Variants in NOVA1 observed in about 807,000 individuals in gnomAD.
NOVA1 encodes the protein RNA-binding protein Nova-1.
NOVA1 carries 7 observed loss-of-function variants against 38.0 expected under a neutral mutation model. The observed-to-expected ratio is 0.18, with a 90% confidence interval of 0.10 to 0.35. The LOEUF is 0.35. Among genes scored for constraint, NOVA1 ranks in the 10% least tolerant of loss-of-function variants. The pLI is 1.00. For synonymous variants in NOVA1, 270 were observed against 232.5 expected, an observed-to-expected ratio of 1.16 and a Z score of -1.47; for missense variants, 460 against 616.0, an observed-to-expected ratio of 0.75 and a Z score of 2.68.
chr14:26,586,159 A>C (rs1204582765), intron 2 of NOVA1, among the ~76,000 whole-genome samples: 1 of 151,404 alleles, frequency 6.6e-6, no homozygotes, highest in East Asian at 1.9e-4. Flanking sequence ...AAAGACTATC[A>C]CAAAAGAGTT....
intron 2 of NOVA1, among the ~76,000 whole-genome samples, chr14:26,564,431 T>C (rs1566541532): frequency 6.6e-6 from 1 of 152,122 alleles, no homozygotes; most frequent in Non-Finnish European, 1.5e-5. Flanking sequence ...TTAACTGGCT[T>C]GCTGGAGTTC....
intron 4 of NOVA1, chr14:26,470,246 A>G: frequency 8.5e-7 from 1 of 1,172,720 alleles, no homozygotes; most frequent in Non-Finnish European, 1.1e-6. Context: ...TTCCAGATAT[A>G]AGTCAGTATA....
intron 2 of NOVA1, among the ~76,000 whole-genome samples, chr14:26,490,202 C>A (rs370849470): frequency 1.3e-5 from 2 of 152,158 alleles, no homozygotes; most frequent in Non-Finnish European, 2.9e-5. Context: ...CTTATTACAG[C>A]GTAACAATAT....
intron 2 of NOVA1, among the ~76,000 whole-genome samples, chr14:26,582,082 G>A (rs968848719): frequency 6.6e-6 from 1 of 151,800 alleles, no homozygotes; most frequent in African/African-American, 2.4e-5. Context: ...GATAGAGTCA[G>A]TTTAAATGAA....
At chr14:26,483,232 G>A (rs1885602054) in intron 2 of NOVA1, among the ~76,000 whole-genome samples, 1 of 152,070 alleles carries the variant, frequency 6.6e-6, no homozygotes, top group South Asian at 2.1e-4. Flanking sequence ...TATAAGTTTA[G>A]GTAAGTCAGT....
At chr14:26,569,451 C>A (rs1267733368) in intron 2 of NOVA1, among the ~76,000 whole-genome samples, 2 of 152,122 alleles carry the variant, frequency 1.3e-5, no homozygotes, top group Non-Finnish European at 2.9e-5. Flanking sequence ...ATGCATTTAT[C>A]TGTGGCTTAT....
At chr14:26,470,997 A>G (rs545890385) in intron 4 of NOVA1, among the ~76,000 whole-genome samples, 1 of 152,242 alleles carries the variant, frequency 6.6e-6, no homozygotes, top group South Asian at 2.1e-4. Context: ...GTATACTTTT[A>G]AACTTCATGC....
At chr14:26,449,554 G>C (rs867621815) in intron 4 of NOVA1, among the ~76,000 whole-genome samples, 1 of 151,982 alleles carries the variant, frequency 6.6e-6, no homozygotes, top group African/African-American at 2.4e-5. Flanking sequence ...AAAATTATTA[G>C]CATTTTCATT....
chr14:26,570,553 G>A (rs1253298849), intron 2 of NOVA1, among the ~76,000 whole-genome samples: 1 of 151,474 alleles, frequency 6.6e-6, no homozygotes, highest in Non-Finnish European at 1.5e-5. Context: ...TAACACATTT[G>A]TATATGTGTA....
chr14:26,478,813 T>A (rs183340540), intron 3 of NOVA1, among the ~76,000 whole-genome samples: 1 of 151,928 alleles, frequency 6.6e-6, no homozygotes, highest in East Asian at 1.9e-4. Flanking sequence ...AATATGAACA[T>A]TTTTGTATAG....
chr14:26,490,495 G>A lies in NOVA1; in HGVS notation c.281-10352C>T, dbSNP rs1289869903. 2.0e-5 allele frequency among the ~76,000 whole-genome samples: 3 copies of A among 152,240 alleles called. No individual in the cohort carries two copies. In the East Asian group the frequency reaches 5.8e-4, roughly 29 times the overall value. ...AGGGTTCCAATTTCTGTAAGTCTTAGCCAACATTTATTATTATTTTTTAGT... is the reference window on the plus strand; with the variant it reads ...AGGGTTCCAATTTCTGTAAGTCTTAACCAACATTTATTATTATTTTTTAGT... On this transcript the variant is annotated intron_variant, in intron 2 of 4. Transcript: ENST00000539517.
intron 2 of NOVA1, among the ~76,000 whole-genome samples, chr14:26,547,321 A>T (rs1890854705): frequency 6.6e-6 from 1 of 152,066 alleles, no homozygotes; most frequent in Non-Finnish European, 1.5e-5. Flanking sequence ...AAATAAACTA[A>T]ACAAATGTTC....
At chr14:26,469,366 T>G (rs186060992) in intron 4 of NOVA1, among the ~76,000 whole-genome samples, 2 of 152,342 alleles carry the variant, frequency 1.3e-5, no homozygotes, top group African/African-American at 4.8e-5. Context: ...CAGCCAATAC[T>G]AATACTAGAA....
At chr14:26,537,855 G>A (rs1460136408) in intron 2 of NOVA1, among the ~76,000 whole-genome samples, 1 of 152,126 alleles carries the variant, frequency 6.6e-6, no homozygotes, top group African/African-American at 2.4e-5. Flanking sequence ...GATGTAAGAA[G>A]GGATATTATA....
chr14:26,588,005 G>A (rs1312712409), intron 2 of NOVA1, among the ~76,000 whole-genome samples: 2 of 150,958 alleles, frequency 1.3e-5, no homozygotes, highest in African/African-American at 4.8e-5. Flanking sequence ...GTAAACTTCT[G>A]TCATATCCTA....
Position 26,444,603 on chromosome 14 carries a change from CT to C in NOVA1, c.*3355del, listed in dbSNP as rs1881930650. The C allele has an allele frequency of 6.6e-6, 1 of 152,032 alleles. No individual in the cohort carries two copies. Among genetic ancestry groups the C allele is most frequent in the African/African-American group, 2.4e-5 (1 of 41,390 alleles). The allele number at this position is 152,032 out of a possible 1,614,324, so 9.4% of individuals were successfully genotyped here. A position where few individuals can be genotyped will look rare whatever the true frequency, so the allele number is the denominator to read the frequency against. Reference sequence around the variant, plus strand: ...TGAGCCGTTACAGGTTAGAATTTATCTTTGTTTCTAATCATTCAATGAGAAA... The same window carrying C: ...TGAGCCGTTACAGGTTAGAATTTATCTTGTTTCTAATCATTCAATGAGAAA... On this transcript the variant is annotated 3_prime_UTR_variant, in exon 5 of 5. Transcript: ENST00000539517.
intron 2 of NOVA1, among the ~76,000 whole-genome samples, chr14:26,492,745 T>C (rs1017264712): frequency 2.0e-5 from 3 of 152,016 alleles, no homozygotes; most frequent in African/African-American, 7.2e-5. Flanking sequence ...GGTAGGCGGA[T>C]CACTTGAAGT....
intron 2 of NOVA1, among the ~76,000 whole-genome samples, chr14:26,590,221 T>C (rs1893761968): frequency 6.6e-6 from 1 of 151,868 alleles, no homozygotes; most frequent in African/African-American, 2.4e-5. Context: ...CAATGATGAG[T>C]CCCAGAGAGA....
At chr14:26,584,152 T>G (rs1477826512) in intron 2 of NOVA1, among the ~76,000 whole-genome samples, 1 of 151,426 alleles carries the variant, frequency 6.6e-6, no homozygotes, top group Non-Finnish European at 1.5e-5. Context: ...TCCTCCACCT[T>G]TTTTTTCTTC....
Sources: allele counts gnomAD v4.1 joint callset (sites outside exome capture counted in the v4.1 genomes callset), GRCh38; gene constraint gnomAD v4.1.1; transcripts MANE v1.5; gene names NCBI Gene and HGNC (gene_info 2026-07-23, HGNC 2026-07-21).